FHIT: variants seen among roughly 807,000 people sequenced by gnomAD.
FHIT encodes fragile histidine triad diadenosine triphosphatase, also known as bis(5'-adenosyl)-triphosphatase.
A neutral mutation model predicts 17.9 loss-of-function variants in FHIT; 19 were observed. That is an observed-to-expected ratio of 1.06 (90% CI 0.74 to 1.56). The LOEUF (loss-of-function observed/expected upper bound fraction) is 1.56. FHIT is among the 40% of genes most tolerant of loss of function. The pLI is 0.00. For synonymous variants in FHIT, 81 were observed against 69.7 expected (o/e 1.16, Z -0.81); for missense variants, 248 against 189.2 (o/e 1.31, Z -1.82).
chr3:60,338,922 T>G (rs1350026435), intron 5 of FHIT, among the ~76,000 whole-genome samples: 7 of 152,152 alleles, frequency 4.6e-5, no homozygotes, highest in Non-Finnish European at 7.4e-5. Flanking sequence ...ACTTAATAGC[T>G]GCATGACCTC....
intron 2 of FHIT, among the ~76,000 whole-genome samples, chr3:61,124,870 G>C (rs1024392603): frequency 1.2e-4 from 19 of 152,114 alleles, no homozygotes; most frequent in Admixed American, 1.2e-3. Flanking sequence ...ACATCTGCTA[G>C]TGTTTTCCAT....
chr3:60,827,080 T>C (rs1291859929), intron 3 of FHIT, among the ~76,000 whole-genome samples: 6 of 152,164 alleles, frequency 3.9e-5, no homozygotes, highest in African/African-American at 1.2e-4. Context: ...TGCAAGATCC[T>C]CTTTGAGCCA....
chr3:60,745,762 C>T (rs2042343944), intron 4 of FHIT, among the ~76,000 whole-genome samples: 2 of 152,086 alleles, frequency 1.3e-5, no homozygotes, highest in Admixed American at 6.5e-5. Flanking sequence ...CATCCAATGG[C>T]CCAAGAGTGG....
intron 5 of FHIT, among the ~76,000 whole-genome samples, chr3:60,183,536 C>G (rs1037982955): frequency 3.3e-5 from 5 of 152,192 alleles, no homozygotes; most frequent in African/African-American, 1.2e-4. Context: ...ATCAGACACA[C>G]TTAGAAGCTC....
intron 5 of FHIT, among the ~76,000 whole-genome samples, chr3:60,162,455 T>C (rs1213069564): frequency 2.0e-5 from 3 of 152,156 alleles, no homozygotes; most frequent in Non-Finnish European, 2.9e-5. Flanking sequence ...ATGTAACCAA[T>C]GAGATCGTGC....
At chr3:61,155,905 G>A (rs556400448) in intron 2 of FHIT, among the ~76,000 whole-genome samples, 7 of 144,828 alleles carry the variant, frequency 4.8e-5, no homozygotes, top group Admixed American at 1.4e-4. Context: ...TGCCCGAACT[G>A]TTTGTTCAAA....
chr3:60,173,698 T>C (rs1701518725), intron 5 of FHIT, among the ~76,000 whole-genome samples: 1 of 151,380 alleles, frequency 6.6e-6, no homozygotes, highest in Non-Finnish European at 1.5e-5. Context: ...TTCCTCACGC[T>C]GTCTGCTCAA....
chr3:60,043,399 C>T (rs1380688665), intron 5 of FHIT, among the ~76,000 whole-genome samples: 1 of 152,200 alleles, frequency 6.6e-6, no homozygotes, highest in African/African-American at 2.4e-5. Flanking sequence ...TTTTCTAGCA[C>T]CGTGCCAGGC....
chr3:60,635,310 A>G (rs1470299719), intron 4 of FHIT, among the ~76,000 whole-genome samples: 1 of 152,150 alleles, frequency 6.6e-6, no homozygotes, highest in African/African-American at 2.4e-5. Context: ...TTATGAATGC[A>G]TAAAGGCCAA....
At chr3:60,096,079 C>T (rs977436576) in intron 5 of FHIT, among the ~76,000 whole-genome samples, 1 of 152,250 alleles carries the variant, frequency 6.6e-6, no homozygotes, top group African/African-American at 2.4e-5. Flanking sequence ...CAGTGACACC[C>T]TGCCCAGGCC....
intron 4 of FHIT, among the ~76,000 whole-genome samples, chr3:60,795,747 T>C (rs1184242988): frequency 6.6e-6 from 1 of 152,224 alleles, no homozygotes; most frequent in Non-Finnish European, 1.5e-5. Flanking sequence ...ACTCCTGGGC[T>C]CAAGCCATCC....
chr3:60,421,030 CTT>C (rs33921357), intron 5 of FHIT, among the ~76,000 whole-genome samples: 7,737 of 138,298 alleles, frequency 0.056, 465 homozygotes, highest in African/African-American at 0.15. Context: ...TCTCCCACTA[CTT>C]TTTTTTTTTT....
At chr3:59,765,440 G>A (rs1701745155) in intron 8 of FHIT, among the ~76,000 whole-genome samples, 1 of 152,196 alleles carries the variant, frequency 6.6e-6, no homozygotes, top group Non-Finnish European at 1.5e-5. Context: ...CTAGGAAAGA[G>A]GATCTTACTG....
chr3:59,903,317 G>T (rs1438098830), intron 8 of FHIT, among the ~76,000 whole-genome samples: 1 of 152,076 alleles, frequency 6.6e-6, no homozygotes, highest in Non-Finnish European at 1.5e-5. Context: ...TAGGCACAGG[G>T]TTTCTTTTGG....
At chr3:59,780,475 C>T (rs1178408617) in intron 8 of FHIT, among the ~76,000 whole-genome samples, 2 of 152,208 alleles carry the variant, frequency 1.3e-5, no homozygotes, top group African/African-American at 4.8e-5. Context: ...CTACCTTCTT[C>T]CACTCTGACT....
chr3:60,997,341 TTGTC>T (rs1050621432), intron 3 of FHIT, among the ~76,000 whole-genome samples: 3 of 152,178 alleles, frequency 2.0e-5, no homozygotes, highest in Admixed American at 2.0e-4. Flanking sequence ...TGGTTTGTGT[TTGTC>T]TGTCTGTCTC....
chr3:61,051,126 G>T (rs541159681), intron 2 of FHIT, among the ~76,000 whole-genome samples: 1 of 151,970 alleles, frequency 6.6e-6, no homozygotes, highest in South Asian at 2.1e-4. Context: ...AAAAATGTGC[G>T]TTAAAAAAAT....
chr3:59,937,779 C>T lies in FHIT; in HGVS notation c.280-15365G>A, dbSNP rs1383621811. On this transcript the variant is annotated intron_variant, in intron 7 of 9. Coordinates refer to ENST00000492590, the MANE Select transcript of FHIT (RefSeq NM_002012.4). ...CACATGTGACTTCAACAAAATAAAA[C>T]ATTCGGCATAAATAGAATTTAGTGT... Among the ~76,000 whole-genome samples the T allele has an allele frequency of 2.6e-5, 4 of 152,150 alleles. No individual in the cohort carries two copies. The East Asian group carries it at 7.7e-4, about 29-fold the overall frequency.
In FHIT at chr3:60,002,882, TAAAC is replaced by T; in HGVS notation, c.279+8485_279+8488del. On this transcript the variant is annotated intron_variant, in intron 7 of 9. Transcript: ENST00000492590. ...AAGAATCAAAATATATTTATAAAAA[TAAAC>T]AAATGAAATTGCAGTTGATATTCTG... Among the ~76,000 whole-genome samples, 3 of 152,164 alleles carry T rather than the reference TAAAC, an allele frequency of 2.0e-5. No individual in the cohort carries two copies. The South Asian group carries it at 6.2e-4, about 32-fold the overall frequency.
Sources: allele counts gnomAD v4.1 joint callset (sites outside exome capture counted in the v4.1 genomes callset), GRCh38; gene constraint gnomAD v4.1.1; transcripts MANE v1.5; gene names NCBI Gene and HGNC (gene_info 2026-07-23, HGNC 2026-07-21).